The following UPF1 variants were observed in gnomAD, a reference collection of about 807,000 sequenced individuals.
UPF1 encodes regulator of nonsense transcripts 1.
Under a neutral mutation model 129.2 loss-of-function variants are expected in UPF1, and 9 were observed. The observed-to-expected ratio is 0.07, with a 90% CI of 0.04 to 0.12. UPF1 has a LOEUF of 0.12. Ranked by LOEUF, UPF1 falls within the 10% of genes least tolerant of loss-of-function variation. UPF1 has a pLI of 1.00. For missense variants in UPF1, 788 were observed against 1,525.3 expected, an observed-to-expected ratio of 0.52 and a Z score of 8.05; for synonymous variants, 649 against 644.9, an observed-to-expected ratio of 1.01 and a Z score of -0.10.
At position 18,856,049 on chromosome 19, in the gene UPF1, T is replaced by G; in HGVS notation, c.1669T>G (p.Ser557Ala). 6.2e-7 allele frequency: 1 copy of G among 1,614,094 alleles called. No individual in the cohort carries two copies. Among genetic ancestry groups the G allele is most frequent in the Non-Finnish European group, 8.5e-7 (1 of 1,180,036 alleles). ...CCGTGAGGCCATCGACTCCCCGGTGTCTTTTCTGGCCCTGCACAACCAGAT... is the reference window on the plus strand; with the variant it reads ...CCGTGAGGCCATCGACTCCCCGGTGGCTTTTCTGGCCCTGCACAACCAGAT... The part of the protein sequence containing the change: ...KSREAIDSPV[S>A]FLALHNQIRN... Residue 557 changes from serine (S) to alanine (A), a missense_variant, in exon 12 of 24, where the codon TCT becomes GCT. Coordinates refer to ENST00000262803, the MANE Select transcript of UPF1 (RefSeq NM_002911.4).
At chr19:18,839,656 A>C (rs1372201629) in intron 1 of UPF1, among the ~76,000 whole-genome samples, 1 of 152,134 alleles carries the variant, frequency 6.6e-6, no homozygotes, top group African/African-American at 2.4e-5. Context: ...CGTGTCTGTT[A>C]ACTTTTGCAC....
At position 18,855,913 on chromosome 19, in the gene UPF1, A is replaced by G. The variant is rs373493878; in HGVS notation, c.1545-12A>G. 8.8e-5 allele frequency: 142 copies of G among 1,613,196 alleles called. No homozygotes were observed. Among genetic ancestry groups the G allele is most frequent in the Non-Finnish European group, 1.1e-4 (135 of 1,179,828 alleles). On this transcript the variant is annotated splice_polypyrimidine_tract_variant and intron_variant, in intron 11 of 23. Coordinates refer to ENST00000262803, the MANE Select transcript of UPF1 (RefSeq NM_002911.4). The stretch of plus-strand genomic sequence containing the variant: ...TCTGGGTAAGCACTGAGCTGCCCCA[A>G]TGGTGTTGCAGGCCGGTGCTGGTGT...
chr19:18,865,720 C>T lies in UPF1; in HGVS notation c.3179C>T (p.Ser1060Phe), dbSNP rs1419611928. The part of the protein sequence containing the change: ...SQGALTQGYI[S>F]MSQPSQMSQP... ...GGCGCCCTGACGCAGGGCTACATCT[C>T]CATGAGCCAGCCTTCCCAGATGAGC... Residue 1060 changes from serine to phenylalanine, a missense_variant, in exon 22 of 24, where the codon TCC (serine) becomes TTC (phenylalanine). Around this residue, in one of 6 missense-constraint regions of UPF1, gnomAD observed 218 missense variants for 318.1 expected, o/e 0.69. Transcript: ENST00000262803. This position sits in a 1 kb window ranked among gnomAD's most constrained non-coding sequence, Gnocchi z 6.1. 6.2e-7 allele frequency: 1 copy of T among 1,613,468 alleles called. No homozygotes were observed. Among genetic ancestry groups the T allele is most frequent in the East Asian group, 2.2e-5 (1 of 44,882 alleles).
intron 13 of UPF1, 138 bp from the exon 14 acceptor site, chr19:18,856,739 C>A: frequency 1.6e-6 from 2 of 1,271,488 alleles, no homozygotes; most frequent in South Asian, 1.6e-5. Flanking sequence ...TGTATCTTGT[C>A]TGGGAGGGAC....
intron 17 of UPF1, 125 bp from the exon 18 acceptor site, chr19:18,861,885 G>A: frequency 7.7e-7 from 1 of 1,302,620 alleles, no homozygotes; most frequent in Non-Finnish European, 1.0e-6. Flanking sequence ...TAGGTGCGGT[G>A]AGCAGGCGCC....
chr19:18,846,208 G>A (rs757786283), intron 2 of UPF1, 89 bp downstream of exon 2: 88 of 1,564,318 alleles, frequency 5.6e-5, no homozygotes, highest in Non-Finnish European at 7.1e-5. Flanking sequence ...CAGGTACAGG[G>A]TGGCGCCCTT....
chr19:18,852,542 A>T (rs1180667390), intron 6 of UPF1, among the ~76,000 whole-genome samples: 2 of 152,190 alleles, frequency 1.3e-5, no homozygotes, highest in Non-Finnish European at 2.9e-5. Context: ...AGTGGGGTCC[A>T]CAGCTTTGCC....
intron 1 of UPF1, among the ~76,000 whole-genome samples, chr19:18,838,930 T>C (rs2055511707): frequency 6.6e-6 from 1 of 152,158 alleles, no homozygotes; most frequent in African/African-American, 2.4e-5. Context: ...ATTACCCGGA[T>C]TCAGGATGAC....
chr19:18,833,576 G>A (rs2055452273), intron 1 of UPF1, among the ~76,000 whole-genome samples: 1 of 151,962 alleles, frequency 6.6e-6, no homozygotes, highest in Non-Finnish European at 1.5e-5. Flanking sequence ...TGGGGGGGTG[G>A]CGCGTGTTGC....
At chr19:18,846,163 G>A (rs776338822) in intron 2 of UPF1, 44 bp downstream of exon 2, 3 of 1,609,244 alleles carry the variant, frequency 1.9e-6, no homozygotes, top group East Asian at 2.2e-5. Flanking sequence ...TGGACAGGTG[G>A]GTGCCTCTGG....
At position 18,855,887 on chromosome 19, in the gene UPF1, C is replaced by A. The variant is rs369096759; in HGVS notation, c.1545-38C>A. On this transcript the variant is annotated intron_variant, in intron 11 of 23. Transcript: ENST00000262803. Reference sequence around the variant, plus strand: ...TGGCTTACTACGTTCACCGAGCTTCCTCTGGGTAAGCACTGAGCTGCCCCA... The same window carrying A: ...TGGCTTACTACGTTCACCGAGCTTCATCTGGGTAAGCACTGAGCTGCCCCA... 1.1e-5 allele frequency: 17 copies of A among 1,604,680 alleles called. No individual in the cohort carries two copies. The African/African-American group carries it at 2.3e-4, about 21-fold the overall frequency.
At chr19:18,839,355 A>T (rs1659993910) in intron 1 of UPF1, among the ~76,000 whole-genome samples, 1 of 152,126 alleles carries the variant, frequency 6.6e-6, no homozygotes, top group Non-Finnish European at 1.5e-5. Context: ...TGGCCTTCCA[A>T]GGTGCTGAGA....
Position 18,865,275 on chromosome 19 carries a change from A to C in UPF1, c.2858-14A>C, listed in dbSNP as rs1294634210. 1 of 1,595,738 alleles carries C rather than the reference A, an allele frequency of 6.3e-7. No individual in the cohort carries two copies. On this transcript the variant is annotated splice_polypyrimidine_tract_variant and intron_variant, in intron 20 of 23. Coordinates refer to ENST00000262803, the MANE Select transcript of UPF1 (RefSeq NM_002911.4). This position sits in a 1 kb window ranked among gnomAD's most constrained non-coding sequence, Gnocchi z 6.1. ...AGGCAGGTGACACCTGCCGTGTTCC[A>C]CTGTGATTTGCAGGCCGGCCTTCCA...
At chr19:18,843,587 C>T (rs1482304655) in intron 1 of UPF1, among the ~76,000 whole-genome samples, 2 of 138,262 alleles carry the variant, frequency 1.4e-5, no homozygotes, top group African/African-American at 5.4e-5. Flanking sequence ...GGTGTGATCT[C>T]GGCTCACTGC....
intron 3 of UPF1, chr19:18,848,485 G>A (rs1227381149): frequency 6.6e-6 from 1 of 152,608 alleles, no homozygotes; most frequent in African/African-American, 2.4e-5. Flanking sequence ...CTGTGTACAG[G>A]TCACTCCACT....
intron 2 of UPF1, 41 bp from the exon 3 acceptor site, chr19:18,847,703 G>A (rs1324891955): frequency 1.3e-6 from 2 of 1,591,682 alleles, no homozygotes; most frequent in Non-Finnish European, 1.7e-6. Context: ...AAACCAGAGA[G>A]CAAGCTTCCA....
At position 18,860,919 on chromosome 19, in the gene UPF1, C is replaced by A. The variant is rs770477276; in HGVS notation, c.2394C>A (p.Gly798=). ...TTGGCATCATCACGCCCTACGAGGG[C>A]CAGCGCTCCTACCTGGTGCAGTACA... The part of the protein sequence containing the change: ...DQIGIITPYE[G]QRSYLVQYMQ... The change falls in exon 17 of 24, where the codon GGC becomes GGA. Residue 798 remains glycine, a synonymous_variant. Transcript: ENST00000262803. The A allele has an allele frequency of 1.9e-6, 3 of 1,599,220 alleles. No individual in the cohort carries two copies. In the African/African-American group the frequency reaches 4.0e-5, roughly 21 times the overall value.
chr19:18,843,521 T>TG (rs1287357096), intron 1 of UPF1, among the ~76,000 whole-genome samples: 1 of 147,162 alleles, frequency 6.8e-6, no homozygotes, highest in East Asian at 2.0e-4. Context: ...TTTCTTTGTT[T>TG]TTTTTTTTTT....
At chr19:18,844,754 G>A (rs1455280122) in intron 1 of UPF1, among the ~76,000 whole-genome samples, 1 of 152,186 alleles carries the variant, frequency 6.6e-6, no homozygotes, top group Non-Finnish European at 1.5e-5. Context: ...ATGTCCCCTG[G>A]CGTGGGCTGT....
Sources: gnomAD v4.1 joint callset for allele counts (sites outside exome capture counted in the v4.1 genomes callset) on GRCh38, gnomAD v4.1.1 for gene constraint, gnomAD v4.1.1 regional missense constraint, Gnocchi (gnomAD v3.1) non-coding constraint, MANE v1.5 for transcripts, NCBI Gene and HGNC (gene_info 2026-07-23, HGNC 2026-07-21) for gene names.